SPOCK1: variants seen among roughly 807,000 people sequenced by gnomAD.
SPOCK1 encodes the protein SPARC (osteonectin), cwcv and kazal like domains proteoglycan 1, also known as testican-1.
In SPOCK1, 23 loss-of-function variants were observed where a neutral mutation model predicts 55.3. The ratio of observed to expected loss-of-function variants is 0.42; its 90% CI spans 0.30 to 0.59. The LOEUF is 0.59. Among genes scored for constraint, SPOCK1 ranks in the 20% least tolerant of loss-of-function variants. The probability of loss-of-function intolerance (pLI) is 0.22; values close to 1 mark genes in which losing one functional copy is unlikely to be tolerated. For missense variants in SPOCK1, 499 were observed against 552.5 expected (o/e 0.90, Z 0.97); for synonymous variants, 226 against 221.0 (o/e 1.02, Z -0.20).
At chr5:137,104,500 G>T (rs996652874) in intron 5 of SPOCK1, among the ~76,000 whole-genome samples, 1 of 152,020 alleles carries the variant, frequency 6.6e-6, no homozygotes, top group African/African-American at 2.4e-5. Flanking sequence ...ATGCCTTATC[G>T]CAGGGTCCCC....
At chr5:137,259,743 T>C (rs1756710608) in intron 3 of SPOCK1, among the ~76,000 whole-genome samples, 1 of 148,842 alleles carries the variant, frequency 6.7e-6, no homozygotes, top group African/African-American at 2.5e-5. Flanking sequence ...CTCAAATGTA[T>C]ACAATAAGCT....
At chr5:137,331,939 A>T (rs1032386965) in intron 2 of SPOCK1, among the ~76,000 whole-genome samples, 1 of 152,146 alleles carries the variant, frequency 6.6e-6, no homozygotes, top group Non-Finnish European at 1.5e-5. Context: ...ATTTCATCTG[A>T]CTTGTTGAAA....
At chr5:137,481,214 CCACTGGGAT>C (rs1753943799) in intron 2 of SPOCK1, among the ~76,000 whole-genome samples, 1 of 152,146 alleles carries the variant, frequency 6.6e-6, no homozygotes, top group African/African-American at 2.4e-5. Context: ...TCTGACCTCT[CCACTGGGAT>C]TGTATGACCC....
At chr5:137,429,002 G>C (rs6878726) in intron 2 of SPOCK1, among the ~76,000 whole-genome samples, 1 of 152,166 alleles carries the variant, frequency 6.6e-6, no homozygotes, top group African/African-American at 2.4e-5. Flanking sequence ...ACTTACATCT[G>C]ATGATGGTAC....
chr5:136,988,579 G>C lies in SPOCK1; in HGVS notation c.771C>G (p.Asp257Glu), dbSNP rs757184965. 6.2e-7 allele frequency: 1 copy of C among 1,614,110 alleles called. No homozygotes were observed. Among genetic ancestry groups the C allele is most frequent in the Non-Finnish European group, 8.5e-7 (1 of 1,179,972 alleles). The change falls in exon 8 of 11, where the codon GAC (aspartate) becomes GAG (glutamate). Residue 257 changes from aspartate (D) to glutamate (E), a missense_variant. Transcript: ENST00000394945. ...GGTCAAGCAGGAGGTCATAGTTCATGTCCAACTTGTTGAACATCCAGCCCA... is the reference window on the plus strand; with the variant it reads ...GGTCAAGCAGGAGGTCATAGTTCATCTCCAACTTGTTGAACATCCAGCCCA... ...DSLGWMFNKL[D>E]MNYDLLLDPS... is the part of the protein sequence containing the mutation.
At chr5:137,323,722 A>G (rs952598438) in intron 2 of SPOCK1, among the ~76,000 whole-genome samples, 2 of 152,180 alleles carry the variant, frequency 1.3e-5, no homozygotes, top group Non-Finnish European at 2.9e-5. Flanking sequence ...ATGTATGGGA[A>G]AAAAAATACT....
chr5:137,123,237 A>G (rs1753720449), intron 4 of SPOCK1, among the ~76,000 whole-genome samples: 1 of 152,204 alleles, frequency 6.6e-6, no homozygotes, highest in African/African-American at 2.4e-5. Context: ...CTTCTCTCCT[A>G]TGTGGCCCTG....
At chr5:137,272,038 G>A (rs1756974445) in intron 2 of SPOCK1, among the ~76,000 whole-genome samples, 1 of 152,206 alleles carries the variant, frequency 6.6e-6, no homozygotes, top group East Asian at 1.9e-4. Context: ...AGGGCAGGTA[G>A]TCATTTTGGA....
At chr5:137,007,886 A>G (rs577290150) in intron 6 of SPOCK1, among the ~76,000 whole-genome samples, 14 of 152,208 alleles carry the variant, frequency 9.2e-5, no homozygotes, top group African/African-American at 3.1e-4. Context: ...CTTGGAACCA[A>G]CCCAAATGCC....
intron 5 of SPOCK1, among the ~76,000 whole-genome samples, chr5:137,082,703 G>A (rs1394728721): frequency 6.6e-6 from 1 of 152,174 alleles, no homozygotes; most frequent in African/African-American, 2.4e-5. Flanking sequence ...ACAGAGCCAA[G>A]AAAGCCCCAG....
intron 6 of SPOCK1, among the ~76,000 whole-genome samples, chr5:137,058,096 G>A (rs17170901): frequency 0.014 from 2,071 of 152,302 alleles, 54 homozygotes; most frequent in African/African-American, 0.046. Flanking sequence ...TCTGAGTACC[G>A]AAAGCATGGG....
At chr5:137,450,741 C>T (rs1753238281) in intron 2 of SPOCK1, among the ~76,000 whole-genome samples, 3 of 152,128 alleles carry the variant, frequency 2.0e-5, no homozygotes, top group Non-Finnish European at 4.4e-5. Context: ...ATTATCTCTC[C>T]TATTACCTGG....
intron 3 of SPOCK1, among the ~76,000 whole-genome samples, chr5:137,160,419 AATATAAT>A (rs1195632310): frequency 8.4e-6 from 1 of 119,606 alleles, no homozygotes; most frequent in Non-Finnish European, 1.7e-5. Context: ...ATATATATAT[AATATAAT>A]ATATATATTA....
chr5:137,466,444 A>T (rs183579332), intron 2 of SPOCK1, among the ~76,000 whole-genome samples: 10 of 152,310 alleles, frequency 6.6e-5, no homozygotes, highest in Non-Finnish European at 1.3e-4. Flanking sequence ...ACTTGCATTG[A>T]GTCCTGGAAG....
chr5:137,259,890 G>A lies in SPOCK1; in HGVS notation c.232+7120C>T, dbSNP rs564088113. Among the ~76,000 whole-genome samples the A allele has an allele frequency of 5.9e-5, 9 of 152,018 alleles. No individual in the cohort carries two copies. In the South Asian group the frequency reaches 1.2e-3, roughly 21 times the overall value. On this transcript the variant is annotated intron_variant, in intron 3 of 10. Transcript: ENST00000394945. ...TTTATTCTGAGCCCTCTCCACCCTCGATAGTTAAAAGGCCCATTTAATTCC... is the reference window on the plus strand; with the variant it reads ...TTTATTCTGAGCCCTCTCCACCCTCAATAGTTAAAAGGCCCATTTAATTCC...
chr5:137,028,583 T>C (rs1561584426), intron 6 of SPOCK1, among the ~76,000 whole-genome samples: 1 of 151,860 alleles, frequency 6.6e-6, no homozygotes, highest in African/African-American at 2.4e-5. Flanking sequence ...CTGCTTAAGG[T>C]AGGAAGTTTA....
At chr5:137,429,580 G>GT (rs1339819640) in intron 2 of SPOCK1, among the ~76,000 whole-genome samples, 11 of 152,202 alleles carry the variant, frequency 7.2e-5, no homozygotes, top group Non-Finnish European at 1.6e-4. Flanking sequence ...CAGTAAGTAT[G>GT]ATTTGGCTTA....
chr5:137,173,662 A>G (rs1231008190), intron 3 of SPOCK1, among the ~76,000 whole-genome samples: 1 of 152,202 alleles, frequency 6.6e-6, no homozygotes, highest in Admixed American at 6.5e-5. Flanking sequence ...TTTGTAGTTC[A>G]GTATTGTTTT....
chr5:137,005,464 G>A (rs1052345509), intron 6 of SPOCK1, among the ~76,000 whole-genome samples: 5 of 151,864 alleles, frequency 3.3e-5, no homozygotes, highest in Admixed American at 6.6e-5. Context: ...TGGAAAAGAC[G>A]AACATGTAGA....
Sources: gnomAD v4.1 joint callset for allele counts (sites outside exome capture counted in the v4.1 genomes callset) on GRCh38, gnomAD v4.1.1 for gene constraint, MANE v1.5 for transcripts, NCBI Gene and HGNC (gene_info 2026-07-23, HGNC 2026-07-21) for gene names.